Variants in ASIC2 observed in about 807,000 individuals in gnomAD.
ASIC2 encodes the protein acid-sensing ion channel 2.
Under a neutral mutation model 57.3 loss-of-function variants are expected in ASIC2, and 25 were observed. The ratio of observed to expected loss-of-function variants is 0.44; its 90% CI spans 0.32 to 0.61. The LOEUF is 0.61. Ranked by LOEUF, ASIC2 falls within the 20% of genes least tolerant of loss-of-function variation. The pLI is 0.06. For missense variants in ASIC2, 641 were observed against 738.1 expected, an observed-to-expected ratio of 0.87 and a Z score of 1.52; for synonymous variants, 319 against 307.5, an observed-to-expected ratio of 1.04 and a Z score of -0.39.
intron 1 of ASIC2, among the ~76,000 whole-genome samples, chr17:33,825,903 A>G (rs1335970997): frequency 2.6e-5 from 4 of 152,240 alleles, no homozygotes; most frequent in Non-Finnish European, 5.9e-5. Flanking sequence ...CTACTTTAGT[A>G]ATAGATATAT....
At chr17:33,511,886 A>G (rs1258325592) in intron 1 of ASIC2, among the ~76,000 whole-genome samples, 2 of 152,206 alleles carry the variant, frequency 1.3e-5, no homozygotes, top group East Asian at 1.9e-4. Flanking sequence ...ACCCACAGTC[A>G]CCAAAAGAAC....
At chr17:33,489,623 C>T (rs958904848) in intron 1 of ASIC2, among the ~76,000 whole-genome samples, 16 of 152,230 alleles carry the variant, frequency 1.1e-4, no homozygotes, top group Non-Finnish European at 2.2e-4. Context: ...GCCAGGGCCA[C>T]TTCCTCTAAT....
chr17:33,833,986 C>T (rs942900123), intron 1 of ASIC2: 2 of 152,166 alleles, frequency 1.3e-5, no homozygotes, highest in African/African-American at 4.8e-5. Flanking sequence ...TCACTTGAGG[C>T]CAGAAACTGG....
At chr17:34,023,352 C>T (rs567379341) in intron 1 of ASIC2, among the ~76,000 whole-genome samples, 1 of 141,808 alleles carries the variant, frequency 7.1e-6, no homozygotes, top group South Asian at 2.2e-4. Flanking sequence ...CTCTGTTTCT[C>T]TTTCTCTCTC....
At chr17:33,272,379 C>T (rs1443563836) in intron 1 of ASIC2, among the ~76,000 whole-genome samples, 3 of 152,166 alleles carry the variant, frequency 2.0e-5, no homozygotes, top group Non-Finnish European at 2.9e-5. Context: ...CCAATGCTAA[C>T]AGGAGCTAGC....
At chr17:33,682,354 C>A (rs1908037457) in intron 1 of ASIC2, among the ~76,000 whole-genome samples, 1 of 152,016 alleles carries the variant, frequency 6.6e-6, no homozygotes. Context: ...CATGAGCCAC[C>A]GTGCCCAGCT....
At chr17:33,936,441 A>T (rs1452977923) in intron 1 of ASIC2, 1 of 152,106 alleles carries the variant, frequency 6.6e-6, no homozygotes, top group African/African-American at 2.4e-5. Flanking sequence ...CACCAGACAG[A>T]GTGTGAGGCA....
intron 1 of ASIC2, among the ~76,000 whole-genome samples, chr17:34,148,302 C>T (rs779088176): frequency 1.1e-4 from 16 of 152,188 alleles, no homozygotes; most frequent in Non-Finnish European, 2.4e-4. Context: ...CATTGTCTTA[C>T]CCCTTCATCA....
intron 1 of ASIC2, among the ~76,000 whole-genome samples, chr17:33,679,907 C>T (rs1055672801): frequency 1.3e-5 from 2 of 152,106 alleles, no homozygotes; most frequent in African/African-American, 4.8e-5. Context: ...CTCATGGTCT[C>T]TAGAAAACAG....
At chr17:33,804,455 T>A (rs980550061) in intron 1 of ASIC2, among the ~76,000 whole-genome samples, 3 of 152,144 alleles carry the variant, frequency 2.0e-5, no homozygotes, top group Non-Finnish European at 4.4e-5. Flanking sequence ...TTTCAGAAAG[T>A]ACCCAGTATA....
chr17:33,053,573 G>T (rs1164325946), intron 3 of ASIC2, among the ~76,000 whole-genome samples: 1 of 152,134 alleles, frequency 6.6e-6, no homozygotes, highest in Non-Finnish European at 1.5e-5. Flanking sequence ...TGTTGCAAGA[G>T]CTTCTTAACT....
rs139575339 is a variant in ASIC2, at chr17:34,052,451, A to G, written c.555+103527T>C. 2.9e-3 allele frequency among the ~76,000 whole-genome samples: 446 copies of G among 152,252 alleles called. 4 individuals carry two copies. The highest frequency in any genetic ancestry group is 0.01 in the African/African-American group (425 of 41,554). ...CTGTTCATGGCAAGTGGGAGTCTAC[A>G]CGGAGAATGGCGACGATTACTTTGG... On this transcript the variant is annotated intron_variant, in intron 1 of 9. Transcript: ENST00000359872.
rs1307508615 is a variant in ASIC2, at chr17:33,138,597, G to T, written c.709-26530C>A. 2.0e-5 allele frequency among the ~76,000 whole-genome samples: 3 copies of T among 152,126 alleles called. No homozygotes were observed. In the East Asian group the frequency reaches 5.8e-4, roughly 29 times the overall value. ...GAAATAATCCAAGCAACATCCCTTT[G>T]CTCCAGCCCCTTCCTGCCCCACCTT... On this transcript the variant is annotated intron_variant, in intron 1 of 9. Transcript: ENST00000225823.
intron 1 of ASIC2, among the ~76,000 whole-genome samples, chr17:33,654,845 C>A (rs1907029007): frequency 6.6e-6 from 1 of 152,194 alleles, no homozygotes; most frequent in Non-Finnish European, 1.5e-5. Context: ...AAGAAGATGG[C>A]TTGGCTGGCA....
intron 1 of ASIC2, among the ~76,000 whole-genome samples, chr17:33,656,941 A>G (rs280050): frequency 1 from 152,345 of 152,360 alleles, 76,165 homozygotes; most frequent in Middle Eastern, 1. Flanking sequence ...GCCACTGAAA[A>G]GTGTCTTGAT....
chr17:33,423,655 C>T (rs995761338), intron 1 of ASIC2, among the ~76,000 whole-genome samples: 1 of 152,160 alleles, frequency 6.6e-6, no homozygotes, highest in African/African-American at 2.4e-5. Context: ...TTCAGCTACT[C>T]AGGGTTCAGC....
chr17:33,262,717 G>T (rs2038268708), intron 1 of ASIC2, among the ~76,000 whole-genome samples: 1 of 152,168 alleles, frequency 6.6e-6, no homozygotes. Context: ...TCCTCTTAGG[G>T]CTGATCATCA....
At chr17:33,631,451 A>G (rs918589985) in intron 1 of ASIC2, among the ~76,000 whole-genome samples, 4 of 151,566 alleles carry the variant, frequency 2.6e-5, no homozygotes, top group Admixed American at 2.0e-4. Context: ...TGATGACATT[A>G]TGGGCTTTGG....
chr17:33,174,291 C>T (rs1846037), intron 1 of ASIC2, among the ~76,000 whole-genome samples: 3,442 of 151,910 alleles, frequency 0.023, 122 homozygotes, highest in African/African-American at 0.079. Context: ...TGTGGTGGTG[C>T]GTGCCTGTAA....
Sources: allele counts gnomAD v4.1 joint callset (sites outside exome capture counted in the v4.1 genomes callset), GRCh38; gene constraint gnomAD v4.1.1; transcripts MANE v1.5; gene names NCBI Gene and HGNC (gene_info 2026-07-23, HGNC 2026-07-21).